DPP10: variants seen among roughly 807,000 people sequenced by gnomAD.
The protein encoded by DPP10 is dipeptidyl peptidase like 10.
A neutral mutation model predicts 120.9 loss-of-function variants in DPP10; 33 were observed. The ratio of observed to expected loss-of-function variants is 0.27; its 90% CI spans 0.21 to 0.37. DPP10 has a LOEUF of 0.37. DPP10 is among the 10% of genes least tolerant of loss of function. The probability of loss-of-function intolerance (pLI) is 1.00; values close to 1 mark genes in which losing one functional copy is unlikely to be tolerated. For missense variants in DPP10, 816 were observed against 942.8 expected (o/e 0.87, Z 1.76); for synonymous variants, 337 against 326.1 (o/e 1.03, Z -0.36).
At chr2:114,847,940 G>T (rs77853539) in intron 1 of DPP10, among the ~76,000 whole-genome samples, 3,229 of 152,208 alleles carry the variant, frequency 0.021, 119 homozygotes, top group African/African-American at 0.074. Flanking sequence ...AGACTTTAAA[G>T]ACAGTGACAG....
chr2:115,783,368 C>CT (rs1382294521), intron 17 of DPP10, among the ~76,000 whole-genome samples: 1 of 152,118 alleles, frequency 6.6e-6, no homozygotes, highest in East Asian at 1.9e-4. Context: ...ATAATAACTA[C>CT]TTTTTCTATT....
chr2:115,052,539 G>A (rs549719310), intron 1 of DPP10, among the ~76,000 whole-genome samples: 4 of 152,300 alleles, frequency 2.6e-5, no homozygotes, highest in Non-Finnish European at 4.4e-5. Flanking sequence ...TTTCTCCAAA[G>A]AGGATATACA....
At chr2:114,706,688 C>G (rs1198244511) in intron 1 of DPP10, among the ~76,000 whole-genome samples, 1 of 152,162 alleles carries the variant, frequency 6.6e-6, no homozygotes, top group African/African-American at 2.4e-5. Context: ...GCAAAGTAAT[C>G]TCACATTCAC....
chr2:114,450,347 C>G (rs1194772734), intron 1 of DPP10, among the ~76,000 whole-genome samples: 1 of 152,108 alleles, frequency 6.6e-6, no homozygotes, highest in Non-Finnish European at 1.5e-5. Flanking sequence ...TTCTGTACCT[C>G]TTTAATAACA....
intron 1 of DPP10, among the ~76,000 whole-genome samples, chr2:114,467,407 A>G (rs1679494744): frequency 6.6e-6 from 1 of 152,118 alleles, no homozygotes. Context: ...TAAGATTTTT[A>G]TTTTCATGCA....
intron 5 of DPP10, among the ~76,000 whole-genome samples, chr2:115,686,676 A>C (rs2091005320): frequency 6.6e-6 from 1 of 152,004 alleles, no homozygotes; most frequent in Non-Finnish European, 1.5e-5. Flanking sequence ...GAGTCTCCTA[A>C]TACTTTTCTT....
At chr2:115,303,227 C>T (rs190039791) in intron 1 of DPP10, among the ~76,000 whole-genome samples, 19 of 151,692 alleles carry the variant, frequency 1.3e-4, no homozygotes, top group African/African-American at 4.1e-4. Flanking sequence ...TTTTTTTCTG[C>T]CTTCAATATG....
intron 1 of DPP10, among the ~76,000 whole-genome samples, chr2:114,793,805 C>G (rs545463205): frequency 3.1e-4 from 47 of 152,276 alleles, no homozygotes; most frequent in African/African-American, 1.1e-3. Flanking sequence ...CCCTCATTCT[C>G]CCTCCCCTTG....
intron 3 of DPP10, among the ~76,000 whole-genome samples, chr2:115,350,582 T>G (rs1335837486): frequency 6.6e-6 from 1 of 152,064 alleles, no homozygotes; most frequent in Non-Finnish European, 1.5e-5. Context: ...GCCTTTTTTC[T>G]CAGAGATCTG....
At chr2:114,881,453 G>GTCTATCTA (rs767939067) in intron 1 of DPP10, among the ~76,000 whole-genome samples, 827 of 44,910 alleles carry the variant, frequency 0.018, 5 homozygotes, top group Middle Eastern at 0.11. Flanking sequence ...CTGTCTGTCT[G>GTCTATCTA]TCTGTCTATC....
At chr2:115,555,088 A>G (rs1478721976) in intron 5 of DPP10, among the ~76,000 whole-genome samples, 2 of 152,096 alleles carry the variant, frequency 1.3e-5, no homozygotes, top group South Asian at 2.1e-4. Flanking sequence ...TCAGGATCTC[A>G]TTACTTTTCT....
chr2:114,529,799 C>T lies in DPP10; in HGVS notation c.60+86961C>T, dbSNP rs1308221801. Reference sequence around the variant, plus strand: ...TTATTTCATCACACAGGTATTAAGCCTAGTGTCCATTAGTTGTTTTTCCTG... The same window carrying T: ...TTATTTCATCACACAGGTATTAAGCTTAGTGTCCATTAGTTGTTTTTCCTG... On this transcript the variant is annotated intron_variant, in intron 1 of 25. Coordinates refer to ENST00000410059, the MANE Select transcript of DPP10 (RefSeq NM_020868.6). 7.2e-5 allele frequency among the ~76,000 whole-genome samples: 11 copies of T among 152,174 alleles called. No homozygotes were observed. In the East Asian group the frequency reaches 2.1e-3, roughly 29 times the overall value.
At chr2:115,704,974 T>A (rs915848172) in intron 7 of DPP10, among the ~76,000 whole-genome samples, 1 of 152,006 alleles carries the variant, frequency 6.6e-6, no homozygotes, top group African/African-American at 2.4e-5. Context: ...ATTTGTTTAA[T>A]TTTTTATATT....
chr2:114,926,973 C>A (rs1262599351), intron 1 of DPP10, among the ~76,000 whole-genome samples: 2 of 151,494 alleles, frequency 1.3e-5, no homozygotes, highest in African/African-American at 4.9e-5. Flanking sequence ...GCCTCAGCCT[C>A]CCGAGTAGCT....
At chr2:115,316,787 G>A (rs1486301124) in intron 2 of DPP10, among the ~76,000 whole-genome samples, 8 of 152,054 alleles carry the variant, frequency 5.3e-5, no homozygotes, top group African/African-American at 1.7e-4. Context: ...AGATAGTCTG[G>A]TCTCTGAGAA....
chr2:114,963,501 A>G (rs1698796791), intron 1 of DPP10, among the ~76,000 whole-genome samples: 1 of 152,252 alleles, frequency 6.6e-6, no homozygotes. Flanking sequence ...TAACACATAT[A>G]TATCAGAGAT....
At chr2:114,899,801 C>CAA (rs201999739) in intron 1 of DPP10, among the ~76,000 whole-genome samples, 64 of 150,324 alleles carry the variant, frequency 4.3e-4, no homozygotes, top group Non-Finnish European at 7.3e-4. Context: ...ACTAAAAATA[C>CAA]AAAAAAAAAT....
rs140981939 is a variant in DPP10, at chr2:114,612,668, A to C, written c.60+169830A>C. 2.0e-5 allele frequency among the ~76,000 whole-genome samples: 3 copies of C among 152,284 alleles called. No homozygotes were observed. In the East Asian group the frequency reaches 5.8e-4, roughly 29 times the overall value. On this transcript the variant is annotated intron_variant, in intron 1 of 25. Coordinates refer to ENST00000410059, the MANE Select transcript of DPP10 (RefSeq NM_020868.6). ...ATTACCTAATATTAGAAATAAAATA[A>C]ATCACCGAAAAACTTGAAGCAAAGT...
chr2:115,836,205 C>A lies in DPP10; in HGVS notation c.1999C>A (p.Leu667Ile). The change falls in exon 22 of 26, where the codon CTT becomes ATT. Residue 667 changes from leucine (L) to isoleucine (I), a missense_variant. Around this residue, in one of 3 missense-constraint regions of DPP10, gnomAD observed 592 missense variants for 649.0 expected, o/e 0.91. Coordinates refer to ENST00000410059, the MANE Select transcript of DPP10 (RefSeq NM_020868.6). The stretch of plus-strand genomic sequence containing the variant: ...AATGATCTTAAAATCAGATGAAAAG[C>A]TTTTTAAATGTGGATCCGTGGTTGC... ...ASMILKSDEK[L>I]FKCGSVVAPI... 1 of 1,606,464 alleles carries A rather than the reference C, an allele frequency of 6.2e-7. No homozygotes were observed. Among genetic ancestry groups the A allele is most frequent in the Non-Finnish European group, 8.5e-7 (1 of 1,177,154 alleles).
Sources: gnomAD v4.1 joint callset for allele counts (sites outside exome capture counted in the v4.1 genomes callset) on GRCh38, gnomAD v4.1.1 for gene constraint, gnomAD v4.1.1 regional missense constraint, MANE v1.5 for transcripts, NCBI Gene and HGNC (gene_info 2026-07-23, HGNC 2026-07-21) for gene names.